GPC5: variants seen among roughly 807,000 people sequenced by gnomAD.
The protein encoded by GPC5 is glypican 5, also known as glypican-5.
Under a neutral mutation model 53.9 loss-of-function variants are expected in GPC5, and 47 were observed. The observed-to-expected ratio is 0.87, with a 90% CI of 0.69 to 1.11. GPC5 has a LOEUF of 1.11. Ranked by LOEUF, GPC5 falls within the 50% of genes most tolerant of loss-of-function variation. The pLI, the probability that GPC5 is intolerant of heterozygous loss-of-function variation, is 0.00. For missense variants in GPC5, 748 were observed against 713.1 expected (o/e 1.05, Z -0.56); for synonymous variants, 286 against 263.3 (o/e 1.09, Z -0.84).
intron 6 of GPC5, among the ~76,000 whole-genome samples, chr13:91,979,339 A>C (rs1269465897): frequency 6.6e-6 from 1 of 152,218 alleles, no homozygotes; most frequent in Non-Finnish European, 1.5e-5. Context: ...ACTTTAATAC[A>C]TTACAAATTC....
chr13:92,099,628 AAGTC>A (rs1048836891), intron 6 of GPC5, among the ~76,000 whole-genome samples: 2 of 152,142 alleles, frequency 1.3e-5, no homozygotes, highest in African/African-American at 4.8e-5. Flanking sequence ...AGGTTGGTAA[AAGTC>A]AGAGTGCCTG....
At chr13:91,635,268 A>G (rs926528672) in intron 2 of GPC5, among the ~76,000 whole-genome samples, 2 of 152,144 alleles carry the variant, frequency 1.3e-5, no homozygotes, top group African/African-American at 4.8e-5. Flanking sequence ...TTCCAGTAAC[A>G]GAAAATTATA....
chr13:91,622,987 A>G (rs2033901618), intron 2 of GPC5, among the ~76,000 whole-genome samples: 1 of 152,110 alleles, frequency 6.6e-6, no homozygotes, highest in African/African-American at 2.4e-5. Flanking sequence ...TTGCTTGAGA[A>G]TGAACTCTAA....
rs190364368 is a variant in GPC5 at position 91,796,138 on chromosome 13, A to G, written c.1280+39718A>G. Among the ~76,000 whole-genome samples, 11 of 152,046 alleles carry G rather than the reference A, an allele frequency of 7.2e-5. No individual in the cohort carries two copies. The East Asian group carries it at 1.8e-3, about 24-fold the overall frequency. ...GAATGGAATCTGGGGCCATGTGGTG[A>G]GTGTTATACCTCTATTAGAAGCTGT... On this transcript the variant is annotated intron_variant, in intron 5 of 7. Transcript: ENST00000377067.
chr13:92,050,527 A>G (rs915420957), intron 6 of GPC5, among the ~76,000 whole-genome samples: 15 of 152,226 alleles, frequency 9.9e-5, no homozygotes, highest in African/African-American at 3.4e-4. Flanking sequence ...GTTTGAGATC[A>G]GTGCCAAGTC....
At chr13:91,766,232 G>A (rs979873556) in intron 5 of GPC5, among the ~76,000 whole-genome samples, 2 of 152,244 alleles carry the variant, frequency 1.3e-5, no homozygotes, top group African/African-American at 4.8e-5. Flanking sequence ...AAGAAAGCGA[G>A]TGGGAGCAAA....
chr13:92,552,105 G>A (rs1882337879), intron 7 of GPC5, among the ~76,000 whole-genome samples: 1 of 151,854 alleles, frequency 6.6e-6, no homozygotes, highest in African/African-American at 2.4e-5. Context: ...TTAACTTTGA[G>A]AATTTGGTGT....
At position 92,784,964 on chromosome 13, in the gene GPC5, A is replaced by T. The variant is rs550654182; in HGVS notation, c.1562-81318A>T. Among the ~76,000 whole-genome samples, 7 of 152,240 alleles carry T rather than the reference A, an allele frequency of 4.6e-5. No individual in the cohort carries two copies. In the South Asian group the frequency reaches 1.5e-3, roughly 32 times the overall value. ...TCTCTCCCCCAACCTAAAAATACGT[A>T]TACTGAACCTCCATCAGTAAAAAAG... On this transcript the variant is annotated intron_variant, in intron 7 of 7. Coordinates refer to ENST00000377067, the MANE Select transcript of GPC5 (RefSeq NM_004466.6).
At chr13:91,443,788 T>C (rs1880603868) in intron 1 of GPC5, among the ~76,000 whole-genome samples, 2 of 152,356 alleles carry the variant, frequency 1.3e-5, no homozygotes, top group South Asian at 4.1e-4. Context: ...AAATTCTTTA[T>C]GAGTTCATGT....
At chr13:91,466,033 C>T (rs1043418432) in intron 2 of GPC5, among the ~76,000 whole-genome samples, 1 of 152,160 alleles carries the variant, frequency 6.6e-6, no homozygotes, top group Non-Finnish European at 1.5e-5. Context: ...ATGGGTCCCC[C>T]ACCAGGTTAC....
At chr13:91,952,744 C>A (rs188111571) in intron 6 of GPC5, among the ~76,000 whole-genome samples, 14 of 152,056 alleles carry the variant, frequency 9.2e-5, no homozygotes, top group African/African-American at 3.4e-4. Context: ...AAAAAAAATA[C>A]GTAGTTTGAT....
intron 7 of GPC5, among the ~76,000 whole-genome samples, chr13:92,278,227 C>T (rs945897411): frequency 6.6e-6 from 1 of 151,778 alleles, no homozygotes; most frequent in South Asian, 2.1e-4. Flanking sequence ...TTTTATTAAA[C>T]CTTTTTAGAT....
rs1566279090 is a variant in GPC5 at position 91,813,935 on chromosome 13, T to TG, written c.1280+57515_1280+57516insG. Among the ~76,000 whole-genome samples the TG allele has an allele frequency of 1.1e-4, 14 of 132,836 alleles. 1 individual carries two copies. The East Asian group carries it at 2.9e-3, about 27-fold the overall frequency. 87.1% of individuals were successfully genotyped at this position (132,836 alleles called of 152,430 possible). A position where few individuals can be genotyped will look rare whatever the true frequency, so the allele number is the denominator to read the frequency against. On this transcript the variant is annotated intron_variant, in intron 5 of 7. Transcript: ENST00000377067. Reference sequence around the variant, plus strand: ...ATCTTAACTGATTTTTTTTTTTTTTTTTTTTTTTTTTTTTTGAGACAGAGT... The same window carrying TG: ...ATCTTAACTGATTTTTTTTTTTTTTTGTTTTTTTTTTTTTTTGAGACAGAGT...
chr13:91,946,022 C>G (rs7999354), intron 6 of GPC5, among the ~76,000 whole-genome samples: 3,214 of 152,024 alleles, frequency 0.021, 100 homozygotes, highest in African/African-American at 0.074. Flanking sequence ...TGACTGTGGT[C>G]GGGGGCGGGG....
In GPC5 at chr13:91,872,328, T is replaced by C. The variant is rs191988615; in HGVS notation, c.1281-35609T>C. Among the ~76,000 whole-genome samples the C allele has an allele frequency of 1.6e-3, 236 of 152,246 alleles. 1 individual carries two copies. In the Middle Eastern group the frequency reaches 0.054, roughly 35 times the overall value. ...CTAAGAATTTCCACAATCAGGGTTA[T>C]CACTCAAGTTCAAAAAAATAAAATA... On this transcript the variant is annotated intron_variant, in intron 5 of 7. Transcript: ENST00000377067.
chr13:92,728,300 G>A (rs928102819), intron 7 of GPC5, among the ~76,000 whole-genome samples: 1 of 151,290 alleles, frequency 6.6e-6, no homozygotes, highest in Non-Finnish European at 1.5e-5. Context: ...ACCTTAATGT[G>A]CTTATATCTT....
intron 7 of GPC5, among the ~76,000 whole-genome samples, chr13:92,766,737 A>G (rs1000288719): frequency 6.6e-6 from 1 of 152,232 alleles, no homozygotes; most frequent in Non-Finnish European, 1.5e-5. Flanking sequence ...ATAGAGAGAG[A>G]GAGAGCACAA....
chr13:92,164,272 G>A (rs753383421), intron 7 of GPC5, among the ~76,000 whole-genome samples: 11 of 152,022 alleles, frequency 7.2e-5, no homozygotes, highest in Non-Finnish European at 1.6e-4. Context: ...CAAGTCCAAG[G>A]TTTCATATAA....
chr13:91,825,741 G>A (rs1339562464), intron 5 of GPC5, among the ~76,000 whole-genome samples: 4 of 152,074 alleles, frequency 2.6e-5, no homozygotes, highest in Non-Finnish European at 4.4e-5. Context: ...GAAGCCAAAA[G>A]CCACAGACTT....
Sources: gnomAD v4.1 joint callset for allele counts (sites outside exome capture counted in the v4.1 genomes callset) on GRCh38, gnomAD v4.1.1 for gene constraint, MANE v1.5 for transcripts, NCBI Gene and HGNC (gene_info 2026-07-23, HGNC 2026-07-21) for gene names.